MXRA7: variants seen among roughly 807,000 people sequenced by gnomAD.
MXRA7 encodes matrix-remodeling-associated protein 7.
In MXRA7, 18 loss-of-function variants were observed where a neutral mutation model predicts 17.4. That is an observed-to-expected ratio of 1.03 (90% CI 0.71 to 1.53). MXRA7 has a LOEUF of 1.53. MXRA7 is among the 40% of genes most tolerant of loss of function. MXRA7 has a pLI of 0.00. For missense variants in MXRA7, 141 were observed against 209.3 expected (o/e 0.67, Z 2.01); for synonymous variants, 70 against 101.7 (o/e 0.69, Z 1.87).
downstream of MXRA7, chr17:76,675,300 C>A (rs555784613): frequency 6.6e-6 from 1 of 151,906 alleles, no homozygotes; most frequent in Non-Finnish European, 1.5e-5. Flanking sequence ...AGGGCACCTA[C>A]GGGTTTGCCC....
rs986627388 is a variant in MXRA7 at position 76,698,721 on chromosome 17, T to G, written c.343-10545A>C. Among the ~76,000 whole-genome samples, 1,062 of 140,604 alleles carry G rather than the reference T, an allele frequency of 7.6e-3. 24 individuals carry two copies. Among genetic ancestry groups the G allele is most frequent in the African/African-American group, 0.026 (993 of 37,562 alleles). 92.2% of individuals were successfully genotyped at this position (140,604 alleles called of 152,430 possible). On this transcript the variant is annotated intron_variant, in intron 1 of 3. Transcript: ENST00000449428. The stretch of plus-strand genomic sequence containing the variant: ...GACTTCCTTCCTTTCTGTTTTTTTT[T>G]TTTTTTTTTTTTTTTTTTGAGATAA...
At chr17:76,698,269 C>T (rs1387661106) in intron 1 of MXRA7, among the ~76,000 whole-genome samples, 1 of 152,200 alleles carries the variant, frequency 6.6e-6, no homozygotes, top group African/African-American at 2.4e-5. Context: ...CAGAATGGGC[C>T]GGGCCCAGGG....
In MXRA7 at chr17:76,692,500, G is replaced by A. The variant is rs891770053; in HGVS notation, c.343-4324C>T. 3.5e-4 allele frequency among the ~76,000 whole-genome samples: 53 copies of A among 152,120 alleles called. 1 individual carries two copies. Among genetic ancestry groups the A allele is most frequent in the African/African-American group, 1.2e-3 (51 of 41,514 alleles). ...ACTCCCGACCTCAGGTGATCCGCCCGTCTCGGCCTCCCAAACTGCTGGGAT... is the reference window on the plus strand; with the variant it reads ...ACTCCCGACCTCAGGTGATCCGCCCATCTCGGCCTCCCAAACTGCTGGGAT... On this transcript the variant is annotated intron_variant, in intron 1 of 3. Transcript: ENST00000449428.
At chr17:76,687,398 T>A (rs1419746971) in intron 2 of MXRA7, among the ~76,000 whole-genome samples, 2 of 152,254 alleles carry the variant, frequency 1.3e-5, no homozygotes, top group South Asian at 2.1e-4. Flanking sequence ...CTTGCTTTTT[T>A]AAAATTATGA....
chr17:76,695,965 G>T (rs1218551894), intron 1 of MXRA7, among the ~76,000 whole-genome samples: 1 of 151,902 alleles, frequency 6.6e-6, no homozygotes, highest in Non-Finnish European at 1.5e-5. Context: ...TGTGGTGGCG[G>T]GTGCCTGTAA....
rs772777777 is a variant in MXRA7, at chr17:76,685,063, G to A, written c.500+9C>T. The A allele has an allele frequency of 1.2e-6, 2 of 1,612,666 alleles. No individual in the cohort carries two copies. The highest frequency in any genetic ancestry group is 4.5e-5 in the East Asian group (2 of 44,834). The stretch of plus-strand genomic sequence containing the variant: ...CCCGCCAGGCGCCAGCGAAGGGGCT[G>A]CAGCCTACCTCTGCTCCTCCTCCAG... On this transcript the variant is annotated intron_variant, in intron 3 of 3. Coordinates refer to ENST00000449428, the MANE Select transcript of MXRA7 (RefSeq NM_198530.4).
chr17:76,710,823 G>A lies in MXRA7; in HGVS notation c.124C>T (p.Pro42Ser). 2 of 954,974 alleles carry A rather than the reference G, an allele frequency of 2.1e-6. No homozygotes were observed. Among genetic ancestry groups the A allele is most frequent in the South Asian group, 9.6e-5 (2 of 20,934 alleles). 59.2% of individuals were successfully genotyped at this position (954,974 alleles called of 1,614,324 possible). A position where few individuals can be genotyped will look rare whatever the true frequency, so the allele number is the denominator to read the frequency against. The change falls in exon 1 of 4, where the codon CCG becomes TCG. Residue 42 changes from proline (P) to serine (S), a missense_variant. Transcript: ENST00000449428. ...GCCTCGGCCGGGGGCGCGGGTTCCGGGGGCGCGCGGGCAGGCTCCGGGCTC... is the reference window on the plus strand; with the variant it reads ...GCCTCGGCCGGGGGCGCGGGTTCCGAGGGCGCGCGGGCAGGCTCCGGGCTC... ...AASPEPARAP[P>S]EPAPPAEATG... is the part of the protein sequence containing the mutation.
intron 1 of MXRA7, chr17:76,688,969 A>G (rs1371412816): frequency 2.4e-5 from 5 of 210,172 alleles, no homozygotes; most frequent in Non-Finnish European, 4.7e-5. Flanking sequence ...CTCCCTAACA[A>G]AACACTGAGC....
At chr17:76,683,448 G>T (rs1035035792) in intron 3 of MXRA7, among the ~76,000 whole-genome samples, 1 of 152,230 alleles carries the variant, frequency 6.6e-6, no homozygotes, top group Non-Finnish European at 1.5e-5. Context: ...CGTTCTCAGA[G>T]TATCTGCTGT....
chr17:76,678,619 A>G (rs2076260095), downstream of MXRA7, among the ~76,000 whole-genome samples: 1 of 152,142 alleles, frequency 6.6e-6, no homozygotes, highest in Admixed American at 6.5e-5. Context: ...CAGTGCCTTC[A>G]GAGAACGTAA....
intron 1 of MXRA7, among the ~76,000 whole-genome samples, chr17:76,700,237 G>A (rs1346245094): frequency 1.3e-5 from 2 of 152,172 alleles, no homozygotes; most frequent in Non-Finnish European, 2.9e-5. Flanking sequence ...CTCCCAAAGT[G>A]CTGGGATTAC....
chr17:76,688,491 A>C, intron 1 of MXRA7: 3 of 1,318,700 alleles, frequency 2.3e-6, no homozygotes, highest in Non-Finnish European at 2.9e-6. Flanking sequence ...TGGGCCCAGG[A>C]CTCCCACTGC....
chr17:76,702,859 A>ATATATATACG (rs2076606000), intron 1 of MXRA7, among the ~76,000 whole-genome samples: 6 of 127,190 alleles, frequency 4.7e-5, no homozygotes, highest in Non-Finnish European at 9.7e-5. Flanking sequence ...CTTAAAATAA[A>ATATATATACG]TATATATATA....
exon 4 of MXRA7, chr17:76,672,972 A>G (rs948437763): frequency 4.6e-5 from 7 of 152,160 alleles, no homozygotes; most frequent in African/African-American, 1.7e-4. Context: ...AGACCCGGAA[A>G]GGCATGTTTG....
rs1165332298 is a variant in MXRA7, at chr17:76,681,554, C to T, written c.501-675G>A. On this transcript the variant is annotated intron_variant, in intron 3 of 3. Transcript: ENST00000449428. This position sits in a 1 kb window ranked among gnomAD's most constrained non-coding sequence, Gnocchi z 4.7. ...CACAGCTGGGGTTCCTTGGCCTCCT[C>T]CTCCCCTTCCCTGTTTTACCACACT... Among the ~76,000 whole-genome samples the T allele has an allele frequency of 6.6e-6, 1 of 152,224 alleles. No individual in the cohort carries two copies. Among genetic ancestry groups the T allele is most frequent in the East Asian group, 1.9e-4 (1 of 5,202 alleles).
At chr17:76,698,009 G>A (rs1025820823) in intron 1 of MXRA7, among the ~76,000 whole-genome samples, 3 of 152,198 alleles carry the variant, frequency 2.0e-5, no homozygotes, top group Non-Finnish European at 4.4e-5. Context: ...CGTGTCTGCT[G>A]CCCAAGGAGA....
chr17:76,676,545 C>G (rs374708106), downstream of MXRA7: 1 of 151,974 alleles, frequency 6.6e-6, no homozygotes, highest in African/African-American at 2.4e-5. Flanking sequence ...GGTGGATCAC[C>G]TGAGGTCAGG....
chr17:76,710,319 A>C (rs192962347), intron 1 of MXRA7, among the ~76,000 whole-genome samples: 168 of 152,328 alleles, frequency 1.1e-3, no homozygotes, highest in Non-Finnish European at 1.9e-3. Context: ...GCAGCTGCGG[A>C]GCACGCCCTG....
intron 1 of MXRA7, among the ~76,000 whole-genome samples, chr17:76,700,005 G>T (rs1322257001): frequency 6.6e-6 from 1 of 152,084 alleles, no homozygotes; most frequent in Non-Finnish European, 1.5e-5. Context: ...TGTCACCCAG[G>T]TTGGAGTGCA....
Sources: gnomAD v4.1 joint callset for allele counts (sites outside exome capture counted in the v4.1 genomes callset) on GRCh38, gnomAD v4.1.1 for gene constraint, Gnocchi (gnomAD v3.1) non-coding constraint, MANE v1.5 for transcripts, NCBI Gene and HGNC (gene_info 2026-07-23, HGNC 2026-07-21) for gene names.